SLC44A5: variants seen among roughly 807,000 people sequenced by gnomAD.
SLC44A5 encodes solute carrier family 44 member 5.
SLC44A5 carries 57 observed loss-of-function variants against 101.8 expected under a neutral mutation model. That is an observed-to-expected ratio of 0.56 (90% CI 0.45 to 0.70). The LOEUF is 0.70. Ranked by LOEUF, SLC44A5 falls within the 30% of genes least tolerant of loss-of-function variation. The pLI, the probability that SLC44A5 is intolerant of heterozygous loss-of-function variation, is 0.00. For missense variants in SLC44A5, 737 were observed against 853.1 expected (o/e 0.86, Z 1.70); for synonymous variants, 281 against 290.9 (o/e 0.97, Z 0.35).
intron 4 of SLC44A5, among the ~76,000 whole-genome samples, chr1:75,309,935 T>A (rs1365323533): frequency 2.0e-5 from 3 of 152,216 alleles, no homozygotes; most frequent in African/African-American, 7.2e-5. Context: ...TTGTGAATAT[T>A]TGCCAACCTA....
intron 1 of SLC44A5, among the ~76,000 whole-genome samples, chr1:75,606,511 CA>C (rs1675334353): frequency 6.6e-6 from 1 of 151,956 alleles, no homozygotes; most frequent in Non-Finnish European, 1.5e-5. Flanking sequence ...CTTAAAAAAG[CA>C]AATCTTTTTT....
At chr1:75,255,641 G>A (rs1365719540) in intron 6 of SLC44A5, among the ~76,000 whole-genome samples, 3 of 152,056 alleles carry the variant, frequency 2.0e-5, no homozygotes, top group Non-Finnish European at 4.4e-5. Flanking sequence ...AAATTGTCCA[G>A]AGCTGATGAG....
chr1:75,225,196 A>G (rs1270962733), intron 13 of SLC44A5, among the ~76,000 whole-genome samples: 7 of 152,314 alleles, frequency 4.6e-5, no homozygotes, highest in Middle Eastern at 3.4e-3. Context: ...GTTTAGATAT[A>G]CAAACTCCTG....
At chr1:75,722,492 G>C in the SLC44A5 span, among the ~76,000 whole-genome samples, 1 of 152,148 alleles carries the variant, frequency 6.6e-6, no homozygotes, top group Non-Finnish European at 1.5e-5. Flanking sequence ...CCACCCAGGA[G>C]GACTGCTGAG....
chr1:75,698,637 A>T, the SLC44A5 span, among the ~76,000 whole-genome samples: 3 of 152,240 alleles, frequency 2.0e-5, no homozygotes, highest in African/African-American at 7.2e-5. Context: ...CCAGCAATGG[A>T]ACAAAGCTGG....
intron 2 of SLC44A5, among the ~76,000 whole-genome samples, chr1:75,465,612 A>G (rs1319324057): frequency 6.6e-6 from 1 of 152,058 alleles, no homozygotes; most frequent in African/African-American, 2.4e-5. Flanking sequence ...TTTAAAAAAC[A>G]TAAACAAAAT....
chr1:75,215,361 A>G (rs951526774), intron 19 of SLC44A5, among the ~76,000 whole-genome samples: 7 of 152,154 alleles, frequency 4.6e-5, no homozygotes, highest in Admixed American at 2.0e-4. Context: ...GATTCATAAA[A>G]AGGATAAGAC....
rs187827777 is a variant in SLC44A5, at chr1:75,471,875, G to A, written c.13+69560C>T. Among the ~76,000 whole-genome samples, 744 of 136,516 alleles carry A rather than the reference G, an allele frequency of 5.4e-3. 11 individuals are homozygous for A. Among genetic ancestry groups the A allele is most frequent in the African/African-American group, 0.019 (715 of 37,534 alleles). The allele number at this position is 136,516 out of a possible 152,430, so 89.6% of individuals were successfully genotyped here. A position where few individuals can be genotyped will look rare whatever the true frequency, so the allele number is the denominator to read the frequency against. On this transcript the variant is annotated intron_variant, in intron 2 of 23. Coordinates refer to ENST00000370859, the MANE Select transcript of SLC44A5 (RefSeq NM_001130058.2). ...AGGACCATGAACAAGGAACCACTAA[G>A]GCTTTTTTTTCTCTGATCTATATTT...
At chr1:75,551,254 T>A (rs1016490387) in intron 1 of SLC44A5, among the ~76,000 whole-genome samples, 2 of 152,122 alleles carry the variant, frequency 1.3e-5, no homozygotes, top group African/African-American at 2.4e-5. Context: ...TAACTAGTCA[T>A]AATCTCAGAT....
At chr1:75,371,434 G>T (rs999810556) in intron 3 of SLC44A5, among the ~76,000 whole-genome samples, 1 of 152,118 alleles carries the variant, frequency 6.6e-6, no homozygotes, top group Admixed American at 6.5e-5. Flanking sequence ...CACAGTAAGT[G>T]CTGTAAACTA....
chr1:75,442,007 A>C (rs1394672640), intron 2 of SLC44A5, among the ~76,000 whole-genome samples: 1 of 152,178 alleles, frequency 6.6e-6, no homozygotes, highest in Non-Finnish European at 1.5e-5. Flanking sequence ...TATAAGAATG[A>C]TCATTTAACT....
At chr1:75,288,370 G>T (rs932408801) in intron 5 of SLC44A5, among the ~76,000 whole-genome samples, 1 of 152,048 alleles carries the variant, frequency 6.6e-6, no homozygotes, top group African/African-American at 2.4e-5. Flanking sequence ...AAGTAAACAT[G>T]AAAAACTTTA....
chr1:75,344,180 G>A (rs767181637), intron 3 of SLC44A5, among the ~76,000 whole-genome samples: 2 of 152,078 alleles, frequency 1.3e-5, no homozygotes, highest in African/African-American at 2.4e-5. Context: ...CAAGAACAAA[G>A]ACATTCTACT....
chr1:75,404,095 T>A (rs1662686650), intron 2 of SLC44A5, among the ~76,000 whole-genome samples: 1 of 151,728 alleles, frequency 6.6e-6, no homozygotes. Context: ...GAAGAAAGGA[T>A]ATCAGAGACT....
chr1:75,370,075 C>A (rs553235257), intron 3 of SLC44A5, among the ~76,000 whole-genome samples: 12 of 152,222 alleles, frequency 7.9e-5, no homozygotes, highest in Non-Finnish European at 1.3e-4. Flanking sequence ...GAACTAAGAA[C>A]TTTATTCAAT....
the SLC44A5 span, among the ~76,000 whole-genome samples, chr1:75,642,852 A>C: frequency 6.6e-6 from 1 of 152,162 alleles, no homozygotes. Flanking sequence ...AAAAATTGGA[A>C]AGTTTTAATA....
the SLC44A5 span, among the ~76,000 whole-genome samples, chr1:75,690,516 A>G: frequency 1.3e-5 from 2 of 152,296 alleles, no homozygotes; most frequent in East Asian, 3.9e-4. Flanking sequence ...GAACAATAGA[A>G]TAATCCAAGC....
chr1:75,684,128 C>G, the SLC44A5 span, among the ~76,000 whole-genome samples: 10 of 152,192 alleles, frequency 6.6e-5, no homozygotes, highest in Non-Finnish European at 1.3e-4. Flanking sequence ...GGGGAACACT[C>G]ATTTATAAAA....
chr1:75,700,073 C>T, the SLC44A5 span, among the ~76,000 whole-genome samples: 24 of 152,182 alleles, frequency 1.6e-4, no homozygotes, highest in African/African-American at 4.6e-4. Context: ...TTTAACACCC[C>T]GCTGTCAACA....
Sources: allele counts gnomAD v4.1 joint callset (sites outside exome capture counted in the v4.1 genomes callset), GRCh38; gene constraint gnomAD v4.1.1; transcripts MANE v1.5; gene names NCBI Gene and HGNC (gene_info 2026-07-23, HGNC 2026-07-21).